The following USHBP1 variants were observed in gnomAD, a reference collection of about 807,000 sequenced individuals.
The protein encoded by USHBP1 is harmonin-binding protein USHBP1.
Under a neutral mutation model 76.2 loss-of-function variants are expected in USHBP1, and 67 were observed. The observed-to-expected ratio is 0.88, with a 90% confidence interval of 0.72 to 1.08. The LOEUF (loss-of-function observed/expected upper bound fraction) is 1.08, where lower values mean the gene tolerates loss of function less well. Among genes scored for constraint, USHBP1 ranks in the 50% least tolerant of loss-of-function variants. The pLI, the probability that USHBP1 is intolerant of heterozygous loss-of-function variation, is 0.00. For missense variants in USHBP1, 931 were observed against 915.0 expected (o/e 1.02, Z -0.23); for synonymous variants, 322 against 362.2 (o/e 0.89, Z 1.26).
chr19:17,256,793 T>C (rs1260878662), intron 8 of USHBP1, 73 bp from the exon 9 acceptor site: 1 of 1,599,058 alleles, frequency 6.3e-7, no homozygotes, highest in Non-Finnish European at 8.5e-7. Context: ...CCAATCCTGG[T>C]AGGGTCCATC....
At chr19:17,250,891 G>A (rs1326641837) in intron 12 of USHBP1, among the ~76,000 whole-genome samples, 2 of 149,916 alleles carry the variant, frequency 1.3e-5, no homozygotes, top group African/African-American at 2.5e-5. Context: ...ATGGGGTTTC[G>A]CTCTTGTTGC....
intron 12 of USHBP1, among the ~76,000 whole-genome samples, chr19:17,251,166 G>GT (rs1315942809): frequency 1.8e-4 from 12 of 66,434 alleles, no homozygotes; most frequent in African/African-American, 5.6e-4. Context: ...GGCCCAGCCT[G>GT]TTGTTTTTTT....
chr19:17,253,298 C>CTTT (rs766563444), intron 10 of USHBP1, among the ~76,000 whole-genome samples: 1 of 114,234 alleles, frequency 8.8e-6, no homozygotes, highest in African/African-American at 3.5e-5. Flanking sequence ...ATTTTTTTTT[C>CTTT]TTTTTTTTTT....
chr19:17,250,272 G>T lies in USHBP1; in HGVS notation c.2065C>A (p.Pro689Thr). Residue 689 changes from proline (P) to threonine (T), a missense_variant, in exon 13 of 13, where the codon CCC (proline) becomes ACC (threonine). Pro to Thr is a conservative substitution (Grantham distance 38). Coordinates refer to ENST00000252597, the MANE Select transcript of USHBP1 (RefSeq NM_031941.4). Reference protein sequence around the residue: ...LEATARALGKPRPPLPPPQLG... With the variant: ...LEATARALGKTRPPLPPPQLG... Reference sequence around the variant, plus strand: ...TGGGGAGGCGGGAGGGGAGGCCTGGGCTTCCCCAGGGCCCTTGCAGTGGCT... The same window carrying T: ...TGGGGAGGCGGGAGGGGAGGCCTGGTCTTCCCCAGGGCCCTTGCAGTGGCT... The T allele has an allele frequency of 6.2e-7, 1 of 1,613,482 alleles. No individual in the cohort carries two copies. Among genetic ancestry groups the T allele is most frequent in the East Asian group, 2.2e-5 (1 of 44,860 alleles).
chr19:17,262,855 A>G lies in USHBP1; in HGVS notation c.339T>C (p.Asn113=), dbSNP rs770185134. ...GGGTCTGAAACACATCGGGGGCCCC[A>G]TTCCCAGGGGGCACAGTCTCCTTGT... The part of the protein sequence containing the change: ...LQYKETVPPG[N]GAPDVFQTLQ... Residue 113 remains asparagine (N), a synonymous_variant, in exon 4 of 13, where the codon AAT becomes AAC. Transcript: ENST00000252597. The G allele has an allele frequency of 7.4e-6, 12 of 1,613,192 alleles. No individual in the cohort carries two copies. The South Asian group carries it at 1.3e-4, about 18-fold the overall frequency.
In USHBP1 at chr19:17,259,350, T is replaced by G. The variant is rs1371387959; in HGVS notation, c.985A>C (p.Ser329Arg). Residue 329 changes from serine (S) to arginine (R), a missense_variant, in exon 7 of 13, where the codon AGC becomes CGC. By Grantham distance (110) the Ser-to-Arg change is moderately radical. Coordinates refer to ENST00000252597, the MANE Select transcript of USHBP1 (RefSeq NM_031941.4). ...QGYKGRCEGL[S>R]MQLGQREAEA... Reference sequence around the variant, plus strand: ...GCCTCCCGCTGGCCTAGCTGCATGCTGAGGCCTTCACAGCGGCCCTTGTAT... The same window carrying G: ...GCCTCCCGCTGGCCTAGCTGCATGCGGAGGCCTTCACAGCGGCCCTTGTAT... The G allele has an allele frequency of 6.2e-7, 1 of 1,614,074 alleles. No homozygotes were observed. Among genetic ancestry groups the G allele is most frequent in the East Asian group, 2.2e-5 (1 of 44,894 alleles).
chr19:17,251,625 A>G lies in USHBP1; in HGVS notation c.1879T>C (p.Ser627Pro), dbSNP rs1246331336. ...QVAQKGRARR[S>P]QSAELNRDLC... is the part of the protein sequence containing the mutation. ...TCCCTGTTCAGCTCGGCACTCTGAG[A>G]CCGTCTGGCTCGCCCCTTCTGAGCC... The change falls in exon 12 of 13, where the codon TCT becomes CCT. Residue 627 changes from serine (S) to proline (P), a missense_variant. Physicochemically the swap from Ser to Pro is moderately conservative, Grantham distance 74. Transcript: ENST00000252597. 2 of 1,613,872 alleles carry G rather than the reference A, an allele frequency of 1.2e-6. No individual in the cohort carries two copies. The highest frequency in any genetic ancestry group is 2.7e-5 in the African/African-American group (2 of 74,862).
At chr19:17,263,030 G>A in intron 3 of USHBP1, 40 bp from the exon 4 acceptor site, 5 of 1,489,298 alleles carry the variant, frequency 3.4e-6, no homozygotes, top group Non-Finnish European at 4.5e-6. Flanking sequence ...ACTCCATGCT[G>A]GGCAAGGAAT....
chr19:17,252,215 A>G (rs1276381105), intron 10 of USHBP1, among the ~76,000 whole-genome samples, 198 bp from the exon 11 acceptor site: 3 of 152,120 alleles, frequency 2.0e-5, no homozygotes, highest in Admixed American at 6.6e-5. Flanking sequence ...ATTTTTTTTG[A>G]GACAGAGTCT....
rs769718172 is a variant in USHBP1 at position 17,250,321 on chromosome 19, C to T, written c.2016G>A (p.Gln672=). ...CTTCGAGCACCGCCACCTCCTCGGC[C>T]TGCTGAGCCTCCATGAGTGCCATCT... ...EQQMALMEAQ[Q]AEEVAVLEAT... is the part of the protein sequence containing the mutation. The change falls in exon 13 of 13, where the codon CAG becomes CAA. Residue 672 remains glutamine, a synonymous_variant. Coordinates refer to ENST00000252597, the MANE Select transcript of USHBP1 (RefSeq NM_031941.4). 6.2e-6 allele frequency: 10 copies of T among 1,613,568 alleles called. 1 individual carries two copies. Among genetic ancestry groups the T allele is most frequent in the South Asian group, 2.2e-5 (2 of 91,062 alleles).
At chr19:17,260,125 A>T in intron 4 of USHBP1, 103 bp from the exon 5 acceptor site, 1 of 1,427,976 alleles carries the variant, frequency 7.0e-7, no homozygotes, top group Non-Finnish European at 9.2e-7. Context: ...CCCTAGCTGG[A>T]AGGCAAGAGG....
intron 4 of USHBP1, among the ~76,000 whole-genome samples, chr19:17,261,263 G>A (rs1412966143): frequency 6.6e-6 from 1 of 151,764 alleles, no homozygotes; most frequent in Non-Finnish European, 1.5e-5. Context: ...TCTTGAACAG[G>A]CCAGTCATGC....
intron 5 of USHBP1, 49 bp downstream of exon 5, chr19:17,259,848 C>T (rs1304926716): frequency 6.3e-7 from 1 of 1,594,072 alleles, no homozygotes; most frequent in Non-Finnish European, 8.6e-7. Flanking sequence ...TCTCATTCCC[C>T]TGAAGGCTAA....
chr19:17,252,720 C>T (rs2073567609), intron 10 of USHBP1, among the ~76,000 whole-genome samples: 3 of 150,782 alleles, frequency 2.0e-5, no homozygotes, highest in South Asian at 2.1e-4. Context: ...GAGTAAGATA[C>T]GGTCTCAAAA....
At chr19:17,253,497 G>T (rs948583226) in intron 10 of USHBP1, among the ~76,000 whole-genome samples, 1 of 149,340 alleles carries the variant, frequency 6.7e-6, no homozygotes, top group Non-Finnish European at 1.5e-5. Context: ...CACCATGTTG[G>T]CCAGGCTGGT....
chr19:17,250,129 C>T lies in USHBP1; in HGVS notation c.*96G>A. 7.0e-7 allele frequency: 1 copy of T among 1,426,576 alleles called. No homozygotes were observed. The highest frequency in any genetic ancestry group is 9.4e-7 in the Non-Finnish European group (1 of 1,063,790). 88.4% of individuals were successfully genotyped at this position (1,426,576 alleles called of 1,614,324 possible). A position where few individuals can be genotyped will look rare whatever the true frequency, so the allele number is the denominator to read the frequency against. ...TTCCCTCACGCCAAATGTGCCCCAACATGCCAAATCATGCAACATGACATG... is the reference window on the plus strand; with the variant it reads ...TTCCCTCACGCCAAATGTGCCCCAATATGCCAAATCATGCAACATGACATG... On this transcript the variant is annotated 3_prime_UTR_variant, in exon 13 of 13. Transcript: ENST00000252597.
At chr19:17,251,233 G>A (rs948572416) in intron 12 of USHBP1, among the ~76,000 whole-genome samples, 1 of 147,114 alleles carries the variant, frequency 6.8e-6, no homozygotes, top group Non-Finnish European at 1.5e-5. Flanking sequence ...GCAGTGGTGT[G>A]ATCTCTGCTC....
Position 17,263,106 on chromosome 19 carries a change from C to T in USHBP1, c.204-116G>A, listed in dbSNP as rs373777354. 13 of 1,059,608 alleles carry T rather than the reference C, an allele frequency of 1.2e-5. No individual in the cohort carries two copies. The African/African-American group carries it at 1.4e-4, about 12-fold the overall frequency. The allele number at this position is 1,059,608 out of a possible 1,614,324, so 65.6% of individuals were successfully genotyped here. Reference sequence around the variant, plus strand: ...AGCCTGGAGTGCAGTGGCGCGATCTCGGCTCACTGCAACCTCCACCTCCTG... The same window carrying T: ...AGCCTGGAGTGCAGTGGCGCGATCTTGGCTCACTGCAACCTCCACCTCCTG... On this transcript the variant is annotated intron_variant, in intron 3 of 12. Transcript: ENST00000252597.
At position 17,261,668 on chromosome 19, in the gene USHBP1, C is replaced by T. The variant is rs375574870; in HGVS notation, c.642+884G>A. On this transcript the variant is annotated intron_variant, in intron 4 of 12. Transcript: ENST00000252597. ...TTTTTTTTTTTTTGAGACAGAGTCT[C>T]ACTCCGTCACCCAGGCTGGAGTGCA... Among the ~76,000 whole-genome samples the T allele has an allele frequency of 1.4e-3, 184 of 131,592 alleles. 6 individuals carry two copies. The South Asian group carries it at 0.043, about 30-fold the overall frequency. The allele number at this position is 131,592 out of a possible 152,430, so 86.3% of individuals were successfully genotyped here. A position where few individuals can be genotyped will look rare whatever the true frequency, so the allele number is the denominator to read the frequency against.
Sources: gnomAD v4.1 joint callset for allele counts (sites outside exome capture counted in the v4.1 genomes callset) on GRCh38, gnomAD v4.1.1 for gene constraint, MANE v1.5 for transcripts, NCBI Gene and HGNC (gene_info 2026-07-23, HGNC 2026-07-21) for gene names.